The following HLTF variants were observed in gnomAD, a reference collection of about 807,000 sequenced individuals.
HLTF encodes the protein DNA-dependent ATPase/E3 ubiquitin-protein ligase HLTF.
HLTF carries 127 observed loss-of-function variants against 129.4 expected under a neutral mutation model. The ratio of observed to expected loss-of-function variants is 0.98; its 90% CI spans 0.85 to 1.14. The LOEUF is 1.14. HLTF is among the 50% of genes most tolerant of loss of function. HLTF has a pLI of 0.00. For synonymous variants in HLTF, 332 were observed against 388.8 expected (o/e 0.85, Z 1.72); for missense variants, 1,139 against 1,187.1 (o/e 0.96, Z 0.60).
At chr3:149,046,013 G>C in intron 18 of HLTF, 67 bp downstream of exon 18, 1 of 1,124,804 alleles carries the variant, frequency 8.9e-7, no homozygotes, top group Non-Finnish European at 1.3e-6. Flanking sequence ...TCTAAATAAT[G>C]TCATTCAGTG....
chr3:149,086,199 A>G (rs1438914555), intron 1 of HLTF, 118 bp downstream of exon 1: 3 of 1,096,768 alleles, frequency 2.7e-6, no homozygotes, highest in East Asian at 5.1e-5. Context: ...GACCAACAGA[A>G]CGAATACAGC....
chr3:149,062,862 A>G (rs73866943), intron 10 of HLTF, among the ~76,000 whole-genome samples: 10,790 of 152,264 alleles, frequency 0.071, 454 homozygotes, highest in South Asian at 0.15. Context: ...ACAAAATAGA[A>G]AAAAAGTAGT....
At chr3:149,079,855 C>T (rs537023745) in intron 2 of HLTF, among the ~76,000 whole-genome samples, 9 of 152,060 alleles carry the variant, frequency 5.9e-5, no homozygotes, top group South Asian at 2.1e-4. Context: ...CCTCCCAAAG[C>T]GCTGGGATTA....
At chr3:149,072,489 C>T (rs1053759057) in intron 5 of HLTF, among the ~76,000 whole-genome samples, 1 of 152,160 alleles carries the variant, frequency 6.6e-6, no homozygotes, top group Admixed American at 6.6e-5. Context: ...ATTATGCTAA[C>T]TTAATTGACT....
intron 7 of HLTF, among the ~76,000 whole-genome samples, chr3:149,069,257 A>G (rs879809967): frequency 2.0e-5 from 3 of 152,128 alleles, no homozygotes; most frequent in Non-Finnish European, 4.4e-5. Flanking sequence ...GGATCACCTG[A>G]GGTAGGAGTT....
intron 12 of HLTF, 132 bp downstream of exon 12, chr3:149,060,511 G>T: frequency 1.5e-6 from 1 of 666,974 alleles, no homozygotes; most frequent in Non-Finnish European, 2.6e-6. Flanking sequence ...GCTCCATGAA[G>T]AGTTCAAATG....
chr3:149,043,098 A>C (rs188147587), intron 18 of HLTF, among the ~76,000 whole-genome samples: 7 of 148,998 alleles, frequency 4.7e-5, no homozygotes, highest in Admixed American at 3.3e-4. Flanking sequence ...AATTCCTCCA[A>C]AAAAAAAAAA....
intron 13 of HLTF, 92 bp from the exon 14 acceptor site, chr3:149,055,492 G>T: frequency 1.3e-6 from 1 of 786,908 alleles, no homozygotes; most frequent in Non-Finnish European, 2.1e-6. Flanking sequence ...TCCATGAAAA[G>T]ATAAATTAGG....
At chr3:149,080,039 TAAAAA>T (rs879893040) in intron 2 of HLTF, among the ~76,000 whole-genome samples, 1 of 146,174 alleles carries the variant, frequency 6.8e-6, no homozygotes, top group Non-Finnish European at 1.5e-5. Flanking sequence ...AATAGTACAC[TAAAAA>T]AAAAAATCTA....
At chr3:149,071,148 A>G in intron 7 of HLTF, 104 bp downstream of exon 7, 1 of 681,638 alleles carries the variant, frequency 1.5e-6, no homozygotes, top group Non-Finnish European at 2.4e-6. Flanking sequence ...ATCTAGTCCC[A>G]AACTGGTACC....
At chr3:149,084,936 T>C in intron 1 of HLTF, 47 bp from the exon 2 acceptor site, 1 of 1,373,932 alleles carries the variant, frequency 7.3e-7, no homozygotes, top group South Asian at 1.2e-5. Context: ...ATTTAAGTAT[T>C]TCCAAAGACC....
At chr3:149,082,514 C>T (rs1467237141) in intron 2 of HLTF, among the ~76,000 whole-genome samples, 2 of 151,778 alleles carry the variant, frequency 1.3e-5, no homozygotes, top group African/African-American at 4.8e-5. Flanking sequence ...AGGGCAGGAA[C>T]AGGGAAAAAT....
chr3:149,031,695 C>T lies in HLTF; in HGVS notation c.*525G>A, dbSNP rs1364035751. ...AGGAAAAATAAAAACCTGTGCTAAC[C>T]TGGACTTTGGTCTCATTTAAGATTT... On this transcript the variant is annotated 3_prime_UTR_variant, in exon 25 of 25. Coordinates refer to ENST00000310053, the MANE Select transcript of HLTF (RefSeq NM_003071.4). The T allele has an allele frequency of 6.6e-6, 1 of 152,230 alleles. No homozygotes were observed. The allele number at this position is 152,230 out of a possible 1,614,324, so 9.4% of individuals were successfully genotyped here.
At chr3:149,073,817 A>C (rs544675928) in intron 4 of HLTF, among the ~76,000 whole-genome samples, 5 of 152,222 alleles carry the variant, frequency 3.3e-5, no homozygotes, top group Non-Finnish European at 7.3e-5. Flanking sequence ...ATTCCACATT[A>C]TTTGAACAAA....
chr3:149,076,953 A>G (rs1172564519), intron 2 of HLTF, among the ~76,000 whole-genome samples: 1 of 152,152 alleles, frequency 6.6e-6, no homozygotes, highest in African/African-American at 2.4e-5. Context: ...GCAATCCTGT[A>G]GCCTTTAAAA....
chr3:149,033,408 A>C (rs971004734), intron 24 of HLTF, among the ~76,000 whole-genome samples: 9 of 152,144 alleles, frequency 5.9e-5, no homozygotes, highest in African/African-American at 1.9e-4. Context: ...TTATAACTAA[A>C]ATCTAAAGTT....
intron 4 of HLTF, among the ~76,000 whole-genome samples, chr3:149,074,001 C>T (rs1719103644): frequency 6.6e-6 from 1 of 151,380 alleles, no homozygotes; most frequent in African/African-American, 2.4e-5. Context: ...TTTTAATATC[C>T]CCTCACTCTT....
intron 10 of HLTF, chr3:149,063,005 T>A (rs941331897): frequency 2.2e-6 from 1 of 454,138 alleles, no homozygotes; most frequent in Non-Finnish European, 4.4e-6. Flanking sequence ...AATAAAAGAA[T>A]GTATTTGAAA....
Position 149,030,219 on chromosome 3 carries a change from AT to A in HLTF, c.*2000del, listed in dbSNP as rs1427244312. On this transcript the variant is annotated 3_prime_UTR_variant, in exon 25 of 25. Coordinates refer to ENST00000310053, the MANE Select transcript of HLTF (RefSeq NM_003071.4). ...CAAGTGGTAATACAATGTCTTCAATATTTTTCTAAAGTTATTTTTCTATATA... is the reference window on the plus strand; with the variant it reads ...CAAGTGGTAATACAATGTCTTCAATATTTTCTAAAGTTATTTTTCTATATA... The A allele has an allele frequency of 6.6e-6, 1 of 152,136 alleles. No individual in the cohort carries two copies. Among genetic ancestry groups the A allele is most frequent in the Non-Finnish European group, 1.5e-5 (1 of 68,008 alleles). The allele number at this position is 152,136 out of a possible 1,614,324, so 9.4% of individuals were successfully genotyped here. A position where few individuals can be genotyped will look rare whatever the true frequency, so the allele number is the denominator to read the frequency against.
Sources: allele counts gnomAD v4.1 joint callset (sites outside exome capture counted in the v4.1 genomes callset), GRCh38; gene constraint gnomAD v4.1.1; transcripts MANE v1.5; gene names NCBI Gene and HGNC (gene_info 2026-07-23, HGNC 2026-07-21).